PGM2: variants seen among roughly 807,000 people sequenced by gnomAD.
The protein encoded by PGM2 is phosphoglucomutase 2.
PGM2 carries 57 observed loss-of-function variants against 74.6 expected under a neutral mutation model. The observed-to-expected ratio is 0.76, with a 90% CI of 0.62 to 0.95. The LOEUF is 0.95. Among genes scored for constraint, PGM2 ranks in the 40% least tolerant of loss-of-function variants. The probability of loss-of-function intolerance (pLI) is 0.00; values close to 1 mark genes in which losing one functional copy is unlikely to be tolerated. For missense variants in PGM2, 706 were observed against 741.9 expected (o/e 0.95, Z 0.56); for synonymous variants, 273 against 260.7 (o/e 1.05, Z -0.46).
At position 37,834,689 on chromosome 4, in the gene PGM2, C is replaced by A. The variant is rs758925694; in HGVS notation, c.321C>A (p.Ala107=). The stretch of plus-strand genomic sequence containing the variant: ...AAGGCATCGTGATCAGTTTTGACGC[C>A]CGAGCTCATCCATCCAGTGGGGGTA... ...KQKGIVISFD[A]RAHPSSGGSS... is the part of the protein sequence containing the mutation. The change falls in exon 3 of 14, where the codon GCC becomes GCA. Residue 107 remains alanine (A), a synonymous_variant. Transcript: ENST00000381967. 6.3e-7 allele frequency: 1 copy of A among 1,588,188 alleles called. No individual in the cohort carries two copies. Among genetic ancestry groups the A allele is most frequent in the Non-Finnish European group, 8.6e-7 (1 of 1,158,530 alleles).
rs1711816813 is a variant in PGM2, at chr4:37,862,644, T to C, written c.*1032T>C. 6.6e-6 allele frequency: 1 copy of C among 152,152 alleles called. No individual in the cohort carries two copies. Among genetic ancestry groups the C allele is most frequent in the Non-Finnish European group, 1.5e-5 (1 of 68,026 alleles). The allele number at this position is 152,152 out of a possible 1,614,324, so 9.4% of individuals were successfully genotyped here. On this transcript the variant is annotated 3_prime_UTR_variant, in exon 14 of 14. Coordinates refer to ENST00000381967, the MANE Select transcript of PGM2 (RefSeq NM_018290.4). The stretch of plus-strand genomic sequence containing the variant: ...AGGATCAAACTTTCTTTATATACTT[T>C]ATATATTTTACATTATTTCTGATTT...
At chr4:37,830,232 C>A in intron 2 of PGM2, 101 bp downstream of exon 2, 1 of 810,806 alleles carries the variant, frequency 1.2e-6, no homozygotes, top group Non-Finnish European at 1.8e-6. Flanking sequence ...GTCTTACCAG[C>A]TTGGCTAGAC....
At chr4:37,853,585 T>C (rs1671411892) in intron 12 of PGM2, among the ~76,000 whole-genome samples, 1 of 152,156 alleles carries the variant, frequency 6.6e-6, no homozygotes, top group African/African-American at 2.4e-5. Context: ...TAAGAACTGA[T>C]TGGAAGCTCT....
At chr4:37,835,584 G>A (rs1423928585) in intron 3 of PGM2, among the ~76,000 whole-genome samples, 1 of 152,100 alleles carries the variant, frequency 6.6e-6, no homozygotes, top group Non-Finnish European at 1.5e-5. Flanking sequence ...TCATTCTAGA[G>A]TATCAGTATT....
chr4:37,835,361 C>T (rs1218819691), intron 3 of PGM2, among the ~76,000 whole-genome samples: 2 of 152,182 alleles, frequency 1.3e-5, no homozygotes, highest in Admixed American at 1.3e-4. Flanking sequence ...GGATATCATA[C>T]ACATTGCATA....
intron 2 of PGM2, among the ~76,000 whole-genome samples, chr4:37,832,573 T>G (rs1176774314): frequency 6.6e-6 from 1 of 152,242 alleles, no homozygotes; most frequent in Non-Finnish European, 1.5e-5. Flanking sequence ...ATTGTTTGCC[T>G]CATTGATAGA....
At chr4:37,837,489 C>T in intron 3 of PGM2, 40 bp from the exon 4 acceptor site, 2 of 1,208,760 alleles carry the variant, frequency 1.7e-6, no homozygotes, top group Non-Finnish European at 2.5e-6. Context: ...GTCCTGATCA[C>T]TCAACTCTCC....
chr4:37,847,607 C>A (rs1053255994), intron 10 of PGM2: 6 of 341,726 alleles, frequency 1.8e-5, no homozygotes, highest in Non-Finnish European at 3.4e-5. Context: ...TGGTTAATAT[C>A]CAGGCCTAAA....
chr4:37,837,339 A>G (rs1300478930), intron 3 of PGM2, among the ~76,000 whole-genome samples, 190 bp from the exon 4 acceptor site: 1 of 152,216 alleles, frequency 6.6e-6, no homozygotes, highest in Non-Finnish European at 1.5e-5. Context: ...AAAAGAGTGA[A>G]ATGAGATGAC....
intron 13 of PGM2, 103 bp from the exon 14 acceptor site, chr4:37,861,407 C>G: frequency 1.4e-6 from 1 of 711,144 alleles, no homozygotes; most frequent in Non-Finnish European, 2.5e-6. Flanking sequence ...TAGTCCTCTT[C>G]TTAAGGTTAT....
At chr4:37,831,269 A>C (rs1725436647) in intron 2 of PGM2, among the ~76,000 whole-genome samples, 1 of 150,644 alleles carries the variant, frequency 6.6e-6, no homozygotes, top group South Asian at 2.1e-4. Flanking sequence ...GGGCTCCCTG[A>C]GATGCTGGAG....
chr4:37,848,785 T>C, intron 11 of PGM2, 134 bp downstream of exon 11: 1 of 718,238 alleles, frequency 1.4e-6, no homozygotes, highest in Admixed American at 2.8e-5. Flanking sequence ...AAAAATTAAA[T>C]AAGGCTGGGC....
At chr4:37,839,253 AGATTACAGGCGCCCATGCCT>A (rs1399386220) in intron 4 of PGM2, among the ~76,000 whole-genome samples, 1 of 151,206 alleles carries the variant, frequency 6.6e-6, no homozygotes, top group African/African-American at 2.4e-5. Context: ...CAAGTAGCTG[AGATTACAGGCGCCCATGCCT>A]GGCTAATTTT....
At chr4:37,854,594 G>A (rs981842667) in intron 12 of PGM2, among the ~76,000 whole-genome samples, 2 of 151,582 alleles carry the variant, frequency 1.3e-5, no homozygotes, top group Non-Finnish European at 2.9e-5. Flanking sequence ...CATGTGATCC[G>A]CCCTCCTCGG....
intron 2 of PGM2, among the ~76,000 whole-genome samples, chr4:37,830,478 T>C (rs898650319): frequency 2.0e-5 from 3 of 152,254 alleles, no homozygotes; most frequent in African/African-American, 7.2e-5. Flanking sequence ...TTTAAGGTCC[T>C]GTAATTTTTG....
intron 12 of PGM2, 28 bp from the exon 13 acceptor site, chr4:37,855,580 A>G (rs1285014251): frequency 8.7e-6 from 14 of 1,600,472 alleles, no homozygotes. Context: ...TTACTATTTA[A>G]ATTTATAATG....
chr4:37,856,902 A>G (rs1034117077), intron 13 of PGM2, among the ~76,000 whole-genome samples: 1 of 152,190 alleles, frequency 6.6e-6, no homozygotes, highest in East Asian at 1.9e-4. Context: ...TTATTACAAC[A>G]TATAATCAGT....
In PGM2 at chr4:37,848,541, T is replaced by G. The variant is rs193282718; in HGVS notation, c.1302T>G (p.Phe434Leu). 6 of 1,613,722 alleles carry G rather than the reference T, an allele frequency of 3.7e-6. No homozygotes were observed. In the Admixed American group the frequency reaches 5.0e-5, roughly 13 times the overall value. The change falls in exon 11 of 14, where the codon TTT (phenylalanine) becomes TTG (leucine). Residue 434 changes from phenylalanine to leucine, a missense_variant. By Grantham distance (22) the Phe-to-Leu change is conservative (BLOSUM62 0). Transcript: ENST00000381967. ...EEAIGYMCCP[F>L]VLDKDGVSAA... ...CTGCAGGATACATGTGCTGCCCTTTTGTTCTGGACAAAGATGGAGTCAGTG... is the reference window on the plus strand; with the variant it reads ...CTGCAGGATACATGTGCTGCCCTTTGGTTCTGGACAAAGATGGAGTCAGTG...
intron 6 of PGM2, among the ~76,000 whole-genome samples, chr4:37,840,632 A>C (rs2608306): frequency 6.6e-6 from 1 of 151,984 alleles, no homozygotes; most frequent in Non-Finnish European, 1.5e-5. Context: ...TGATCCACCC[A>C]CCTTGGCCTC....
Sources: gnomAD v4.1 joint callset for allele counts (sites outside exome capture counted in the v4.1 genomes callset) on GRCh38, gnomAD v4.1.1 for gene constraint, MANE v1.5 for transcripts, NCBI Gene and HGNC (gene_info 2026-07-23, HGNC 2026-07-21) for gene names.